The following CES4A variants were observed in gnomAD, a reference collection of about 807,000 sequenced individuals.
CES4A encodes the protein carboxylesterase 4A.
A neutral mutation model predicts 65.4 loss-of-function variants in CES4A; 48 were observed. That is an observed-to-expected ratio of 0.73 (90% CI 0.58 to 0.93). The LOEUF (loss-of-function observed/expected upper bound fraction) is 0.93. Among genes scored for constraint, CES4A ranks in the 40% least tolerant of loss-of-function variants. The pLI, the probability that CES4A is intolerant of heterozygous loss-of-function variation, is 0.00. For synonymous variants in CES4A, 247 were observed against 281.8 expected (o/e 0.88, Z 1.24); for missense variants, 685 against 728.5 (o/e 0.94, Z 0.69).
intron 1 of CES4A, among the ~76,000 whole-genome samples, chr16:66,989,968 T>C (rs1322760207): frequency 2.6e-5 from 4 of 151,828 alleles, no homozygotes; most frequent in African/African-American, 7.2e-5. Flanking sequence ...CATATATACA[T>C]ATATCCATTA....
intron 1 of CES4A, 93 bp downstream of exon 1, chr16:66,988,923 G>A: frequency 7.1e-7 from 1 of 1,412,384 alleles, no homozygotes; most frequent in Non-Finnish European, 9.4e-7. Flanking sequence ...GGGGACAGCA[G>A]GGCAGGAGCA....
chr16:67,004,232 A>T lies in CES4A; in HGVS notation c.1080+8A>T. ...AATTGGCTCTTGCCTTATGTAAGTG[A>T]GTAGGAGTTCAATTGGCTCTTGCCT... On this transcript the variant is annotated splice_region_variant and intron_variant, in intron 9 of 13. Transcript: ENST00000648724. The T allele has an allele frequency of 6.2e-7, 1 of 1,614,004 alleles. No individual in the cohort carries two copies. Among genetic ancestry groups the T allele is most frequent in the Non-Finnish European group, 8.5e-7 (1 of 1,179,908 alleles).
Position 67,000,822 on chromosome 16 carries a change from A to G in CES4A, c.403-35A>G. 6.4e-7 allele frequency: 1 copy of G among 1,555,596 alleles called. No homozygotes were observed. The highest frequency in any genetic ancestry group is 8.7e-7 in the Non-Finnish European group (1 of 1,149,012). On this transcript the variant is annotated intron_variant, in intron 3 of 13. Transcript: ENST00000648724. The surrounding 1 kb of genome is among the most constrained non-coding windows in gnomAD (Gnocchi z 4.2). ...CGCGCCCGCGGTCCCACCGCCGCCC[A>G]CCGCCCCGCTCAGATCCCGGCCTTC...
chr16:66,993,319 T>C (rs1219206834), intron 1 of CES4A, among the ~76,000 whole-genome samples: 2 of 152,204 alleles, frequency 1.3e-5, no homozygotes, highest in African/African-American at 4.8e-5. Flanking sequence ...ATTTTACTCT[T>C]CTGTTTCTGC....
At chr16:67,004,085 T>C (rs1965558204) in exon 9 of CES4A, 1 of 1,613,870 alleles carries the variant, frequency 6.2e-7, no homozygotes, top group African/African-American at 1.3e-5. Flanking sequence ...GCCTTGTAGA[T>C]TATCTGGTCC....
At chr16:66,999,849 C>A (rs1226461100) in intron 2 of CES4A, among the ~76,000 whole-genome samples, 1 of 152,068 alleles carries the variant, frequency 6.6e-6, no homozygotes, top group Non-Finnish European at 1.5e-5. Flanking sequence ...AGGAAGTGAC[C>A]AGGAGAGGAG....
At chr16:66,989,486 G>C (rs1964200517) in intron 1 of CES4A, among the ~76,000 whole-genome samples, 1 of 151,976 alleles carries the variant, frequency 6.6e-6, no homozygotes, top group Admixed American at 6.6e-5. Context: ...CTTGAGCCCA[G>C]GAGTTTGAGA....
At position 67,001,929 on chromosome 16, in the gene CES4A, T is replaced by C. The variant is rs560488898; in HGVS notation, c.690+468T>C. ...TGTAAGGTGCCCTGTGAGGGGCATATGGCTGGGAAGTGAACACATCACACA... is the reference window on the plus strand; with the variant it reads ...TGTAAGGTGCCCTGTGAGGGGCATACGGCTGGGAAGTGAACACATCACACA... On this transcript the variant is annotated intron_variant, in intron 5 of 13. Coordinates refer to ENST00000648724, the Ensembl canonical transcript of CES4A. This position sits in a 1 kb window ranked among gnomAD's most constrained non-coding sequence, Gnocchi z 4.1. Among the ~76,000 whole-genome samples, 2 of 152,342 alleles carry C rather than the reference T, an allele frequency of 1.3e-5. No individual in the cohort carries two copies. Among genetic ancestry groups the C allele is most frequent in the African/African-American group, 4.8e-5 (2 of 41,570 alleles).
In CES4A at chr16:66,988,674, G is replaced by T. The variant is rs1052468925; in HGVS notation, c.-99G>T. ...TGGCAGGGATTAAGAGCAGATAAAAGTGTGCTCACACACTGTAGACACGGC... is the reference window on the plus strand; with the variant it reads ...TGGCAGGGATTAAGAGCAGATAAAATTGTGCTCACACACTGTAGACACGGC... On this transcript the variant is annotated 5_prime_UTR_variant, in exon 1 of 14. Transcript: ENST00000648724. 5.2e-6 allele frequency: 8 copies of T among 1,540,560 alleles called. No individual in the cohort carries two copies. The East Asian group carries it at 2.0e-4, about 38-fold the overall frequency.
chr16:67,000,022 G>A lies in CES4A; in HGVS notation c.261-616G>A, dbSNP rs1466728138. On this transcript the variant is annotated intron_variant, in intron 2 of 13. Coordinates refer to ENST00000648724, the Ensembl canonical transcript of CES4A. The surrounding 1 kb of genome is among the most constrained non-coding windows in gnomAD (Gnocchi z 4.2). ...GGGACAGAGATGACTGGATGGAAAG[G>A]AGGGCCTGGGTACTCCGCGTATCTT... Among the ~76,000 whole-genome samples, 1 of 152,204 alleles carries A rather than the reference G, an allele frequency of 6.6e-6. No homozygotes were observed. Among genetic ancestry groups the A allele is most frequent in the Admixed American group, 6.5e-5 (1 of 15,280 alleles).
At position 66,998,027 on chromosome 16, in the gene CES4A, C is replaced by T. The variant is rs1369450327; in HGVS notation, c.260+2198C>T. Among the ~76,000 whole-genome samples the T allele has an allele frequency of 1.2e-4, 18 of 151,094 alleles. No homozygotes were observed. The South Asian group carries it at 2.3e-3, about 19-fold the overall frequency. Reference sequence around the variant, plus strand: ...TCCTTTTGGGGCCTATTAAATTTGACGTGCTGACAGATGTTCCACGTGGAG... The same window carrying T: ...TCCTTTTGGGGCCTATTAAATTTGATGTGCTGACAGATGTTCCACGTGGAG... On this transcript the variant is annotated intron_variant, in intron 2 of 13. Coordinates refer to ENST00000648724, the Ensembl canonical transcript of CES4A.
rs1325217859 is a variant in CES4A, at chr16:67,009,046, T to TA, written c.1591dup (p.Thr531AsnfsTer26). ...ATGAAAAGTACCTGCAGCTGGATTT[T>TA]ACCACAAGAGTGGGCATGAAGCTCA... On this transcript the variant is annotated frameshift_variant, in exon 14 of 14. Transcript: ENST00000648724. LOFTEE classifies it low-confidence loss of function (END_TRUNC). 1 of 1,614,260 alleles carries TA rather than the reference T, an allele frequency of 6.2e-7. No individual in the cohort carries two copies.
At chr16:66,999,727 A>T (rs1965134397) in intron 2 of CES4A, among the ~76,000 whole-genome samples, 1 of 152,176 alleles carries the variant, frequency 6.6e-6, no homozygotes, top group African/African-American at 2.4e-5. Context: ...GCTTGAACCT[A>T]GAGGCAGAGG....
intron 2 of CES4A, chr16:66,996,052 T>G: frequency 1.5e-6 from 1 of 671,388 alleles, no homozygotes; most frequent in South Asian, 1.5e-5. Flanking sequence ...TGTTTTTGTT[T>G]TTTTTAGATG....
intron 1 of CES4A, among the ~76,000 whole-genome samples, chr16:66,989,288 G>A (rs1429731013): frequency 6.6e-6 from 1 of 151,940 alleles, no homozygotes; most frequent in Non-Finnish European, 1.5e-5. Flanking sequence ...AAAGTTTACT[G>A]AGGTATAAGA....
chr16:66,999,434 T>G (rs1004985084), intron 2 of CES4A, among the ~76,000 whole-genome samples: 1 of 152,234 alleles, frequency 6.6e-6, no homozygotes. Flanking sequence ...CCTCTATTCC[T>G]GCCTTTGGGA....
intron 2 of CES4A, 78 bp downstream of exon 2, chr16:66,995,907 C>CAGTGAGTTCTTCTCAG: frequency 7.5e-7 from 1 of 1,329,098 alleles, no homozygotes; most frequent in Non-Finnish European, 1.1e-6. Context: ...GCACAGCTCA[C>CAGTGAGTTCTTCTCAG]TGAGAAGAAC....
chr16:66,999,887 G>T (rs955714506), intron 2 of CES4A, among the ~76,000 whole-genome samples: 2 of 152,162 alleles, frequency 1.3e-5, no homozygotes, highest in African/African-American at 4.8e-5. Flanking sequence ...CCTTAAACAC[G>T]AATAGGAGTT....
In CES4A at chr16:67,001,106, G is replaced by C; in HGVS notation, c.536+116G>C. ...GGGGGGGGTGGGGCCGCGAGGCGGG[G>C]GCGGGGCCTGGCGCTCGGTGGAAGG... is the stretch of plus-strand genomic sequence containing the variant. On this transcript the variant is annotated intron_variant, in intron 4 of 13. Transcript: ENST00000648724. The surrounding 1 kb of genome is among the most constrained non-coding windows in gnomAD (Gnocchi z 4.1). 8.0e-7 allele frequency: 1 copy of C among 1,255,036 alleles called. No individual in the cohort carries two copies. The highest frequency in any genetic ancestry group is 1.1e-6 in the Non-Finnish European group (1 of 926,300). The allele number at this position is 1,255,036 out of a possible 1,614,324, so 77.7% of individuals were successfully genotyped here.
Sources: allele counts gnomAD v4.1 joint callset (sites outside exome capture counted in the v4.1 genomes callset), GRCh38; gene constraint gnomAD v4.1.1; non-coding constraint Gnocchi (gnomAD v3.1); transcripts MANE v1.5; gene names NCBI Gene and HGNC (gene_info 2026-07-23, HGNC 2026-07-21).